The following BICDL1 variants were observed in gnomAD, a reference collection of about 807,000 sequenced individuals.
BICDL1 encodes BICD family-like cargo adapter 1.
A neutral mutation model predicts 76.8 loss-of-function variants in BICDL1; 20 were observed. The observed-to-expected ratio is 0.26, with a 90% confidence interval of 0.18 to 0.38. BICDL1 has a LOEUF of 0.38. BICDL1 is among the 10% of genes least tolerant of loss of function. The probability of loss-of-function intolerance (pLI) is 1.00; values close to 1 mark genes in which losing one functional copy is unlikely to be tolerated. For missense variants in BICDL1, 700 were observed against 798.6 expected, an observed-to-expected ratio of 0.88 and a Z score of 1.49; for synonymous variants, 383 against 337.1, an observed-to-expected ratio of 1.14 and a Z score of -1.49.
intron 2 of BICDL1, among the ~76,000 whole-genome samples, chr12:120,023,995 T>C (rs1952237583): frequency 6.6e-6 from 1 of 151,548 alleles, no homozygotes; most frequent in Non-Finnish European, 1.5e-5. Flanking sequence ...AACACAGACC[T>C]AAGGCTGGGC....
chr12:120,074,375 C>T (rs1873368016), intron 6 of BICDL1, 68 bp from the exon 7 acceptor site: 1 of 994,168 alleles, frequency 1.0e-6, no homozygotes, highest in Non-Finnish European at 1.2e-6. Flanking sequence ...CTAACCATCT[C>T]TCTCCCCCTT....
chr12:120,026,133 C>T (rs1000364381), intron 2 of BICDL1, among the ~76,000 whole-genome samples: 6 of 151,998 alleles, frequency 3.9e-5, no homozygotes, highest in African/African-American at 4.8e-5. Flanking sequence ...CCACCGTGCC[C>T]GACGCACATT....
chr12:120,031,910 A>G (rs1331428316), intron 2 of BICDL1, among the ~76,000 whole-genome samples: 3 of 151,916 alleles, frequency 2.0e-5, no homozygotes, highest in Non-Finnish European at 4.4e-5. Flanking sequence ...GGGCAATATA[A>G]TGAGACCCTG....
chr12:120,023,436 A>G (rs980035308), intron 2 of BICDL1, among the ~76,000 whole-genome samples: 4 of 152,232 alleles, frequency 2.6e-5, no homozygotes, highest in African/African-American at 9.6e-5. Flanking sequence ...CTATGGGAAC[A>G]CAAAAATATT....
At chr12:120,045,198 G>A (rs553391939) in intron 2 of BICDL1, among the ~76,000 whole-genome samples, 8 of 152,252 alleles carry the variant, frequency 5.3e-5, no homozygotes, top group African/African-American at 1.7e-4. Context: ...TCAGAGAAAT[G>A]CAAATCAAAA....
chr12:120,058,202 T>C (rs1282058980), intron 2 of BICDL1, among the ~76,000 whole-genome samples: 5 of 152,308 alleles, frequency 3.3e-5, no homozygotes, highest in African/African-American at 1.2e-4. Context: ...GCTGTGCATA[T>C]CCCTGGGCAT....
At chr12:120,069,727 C>T (rs977295678) in intron 4 of BICDL1, among the ~76,000 whole-genome samples, 5 of 152,042 alleles carry the variant, frequency 3.3e-5, no homozygotes, top group Admixed American at 2.0e-4. Flanking sequence ...GTAAAGCATA[C>T]AAATCTTAAG....
chr12:120,000,686 A>T (rs2138619645), intron 2 of BICDL1: 1 of 152,314 alleles, frequency 6.6e-6, no homozygotes, highest in Admixed American at 6.5e-5. Context: ...TGACCAAGAG[A>T]GACGAAGGGA....
At chr12:120,018,693 A>AT (rs796336270) in intron 2 of BICDL1, among the ~76,000 whole-genome samples, 484 of 16,380 alleles carry the variant, frequency 0.03, 2 homozygotes, top group African/African-American at 0.13. Flanking sequence ...AGGAATTGTT[A>AT]TAAAAAAAAA....
In BICDL1 at chr12:120,094,397, C is replaced by T. The variant is rs1020243901; in HGVS notation, c.*1236C>T. 1.3e-5 allele frequency: 5 copies of T among 382,654 alleles called. No individual in the cohort carries two copies. The highest frequency in any genetic ancestry group is 2.7e-5 in the Non-Finnish European group (5 of 187,024). 23.7% of individuals were successfully genotyped at this position (382,654 alleles called of 1,614,324 possible). A position where few individuals can be genotyped will look rare whatever the true frequency, so the allele number is the denominator to read the frequency against. On this transcript the variant is annotated 3_prime_UTR_variant, in exon 10 of 10. Coordinates refer to ENST00000548673, the MANE Select transcript of BICDL1 (RefSeq NM_001367886.1). ...ATACATGTATGGATTTTATAATATACATATATAAAAATCTATAAAGGCATA... is the reference window on the plus strand; with the variant it reads ...ATACATGTATGGATTTTATAATATATATATATAAAAATCTATAAAGGCATA...
chr12:120,019,769 G>T (rs907834241), intron 2 of BICDL1, among the ~76,000 whole-genome samples: 1 of 152,072 alleles, frequency 6.6e-6, no homozygotes, highest in Admixed American at 6.6e-5. Context: ...TTTTGATGGC[G>T]ATATCCCTTC....
chr12:119,990,574 C>T (rs1179147750), intron 1 of BICDL1, among the ~76,000 whole-genome samples: 1 of 152,198 alleles, frequency 6.6e-6, no homozygotes, highest in Non-Finnish European at 1.5e-5. Context: ...ATAGAGCTTA[C>T]AGTATGACTA....
At chr12:119,997,938 A>AC (rs1300158978) in intron 1 of BICDL1, among the ~76,000 whole-genome samples, 1 of 151,772 alleles carries the variant, frequency 6.6e-6, no homozygotes, top group Non-Finnish European at 1.5e-5. Flanking sequence ...ACATTGTAAA[A>AC]CCCCATCTCT....
rs369791042 is a variant in BICDL1, at chr12:120,060,966, G to A, written c.646-744G>A. On this transcript the variant is annotated intron_variant, in intron 2 of 9. Transcript: ENST00000548673. Reference sequence around the variant, plus strand: ...TTGAGGCAGTTACTTAATTTGTCCCGTGGCTCTCCTCTCCACAGGACAGTG... The same window carrying A: ...TTGAGGCAGTTACTTAATTTGTCCCATGGCTCTCCTCTCCACAGGACAGTG... Among the ~76,000 whole-genome samples, 10 of 152,240 alleles carry A rather than the reference G, an allele frequency of 6.6e-5. No homozygotes were observed. The South Asian group carries it at 8.3e-4, about 13-fold the overall frequency.
At chr12:120,040,227 C>A (rs1053709126) in intron 2 of BICDL1, among the ~76,000 whole-genome samples, 1 of 151,852 alleles carries the variant, frequency 6.6e-6, no homozygotes, top group Non-Finnish European at 1.5e-5. Flanking sequence ...CTCAGCCTAT[C>A]GAGTTGCTAG....
chr12:120,066,717 T>C (rs1953229857), intron 4 of BICDL1, among the ~76,000 whole-genome samples: 1 of 152,234 alleles, frequency 6.6e-6, no homozygotes, highest in Non-Finnish European at 1.5e-5. Flanking sequence ...TTTATCATTA[T>C]AGTCCTTCAG....
At chr12:120,088,602 C>T (rs1874640030) in intron 8 of BICDL1, among the ~76,000 whole-genome samples, 1 of 152,126 alleles carries the variant, frequency 6.6e-6, no homozygotes, top group Admixed American at 6.5e-5. Flanking sequence ...GGTGATCCTT[C>T]CACCTTGGCC....
In BICDL1 at chr12:120,074,973, T is replaced by G. The variant is rs535950741; in HGVS notation, c.1452+387T>G. Among the ~76,000 whole-genome samples, 30 of 152,376 alleles carry G rather than the reference T, an allele frequency of 2.0e-4. No homozygotes were observed. The South Asian group carries it at 6.2e-3, about 32-fold the overall frequency. ...TTGATCTTTACAGCACAGTTCCCTT[T>G]TGTAAGTGCCATCACTTCTCTCAGC... On this transcript the variant is annotated intron_variant, in intron 7 of 9. Transcript: ENST00000548673.
At chr12:120,088,611 C>A in intron 8 of BICDL1, among the ~76,000 whole-genome samples, 1 of 152,030 alleles carries the variant, frequency 6.6e-6, no homozygotes, top group Non-Finnish European at 1.5e-5. Flanking sequence ...TCCACCTTGG[C>A]CTCCCAAAGT....
Sources: gnomAD v4.1 joint callset for allele counts (sites outside exome capture counted in the v4.1 genomes callset) on GRCh38, gnomAD v4.1.1 for gene constraint, MANE v1.5 for transcripts, NCBI Gene and HGNC (gene_info 2026-07-23, HGNC 2026-07-21) for gene names.